Variants in PCDH11X observed in about 807,000 individuals in gnomAD.
PCDH11X encodes protocadherin 11 X-linked.
PCDH11X carries 18 observed loss-of-function variants against 53.3 expected under a neutral mutation model. That is an observed-to-expected ratio of 0.34 (90% CI 0.23 to 0.50). The LOEUF is 0.50. Among genes scored for constraint, PCDH11X ranks in the 20% least tolerant of loss-of-function variants. PCDH11X has a pLI of 0.98. For synonymous variants in PCDH11X, 279 were observed against 393.3 expected, an observed-to-expected ratio of 0.71 and a Z score of 3.44; for missense variants, 570 against 1,032.4, an observed-to-expected ratio of 0.55 and a Z score of 6.14.
intron 10 of PCDH11X, among the ~76,000 whole-genome samples, chrX:92,617,203 CCT>C (rs1233598746): frequency 2.7e-5 from 3 of 111,053 alleles, no homozygotes; most frequent in Non-Finnish European, 5.7e-5. Context: ...AAGATATTCC[CCT>C]GTTTCTAATT....
intron 6 of PCDH11X, among the ~76,000 whole-genome samples, chrX:92,041,536 A>T (rs1432447606): frequency 2.7e-5 from 3 of 111,225 alleles, no homozygotes; most frequent in African/African-American, 9.8e-5. Flanking sequence ...ATGTAAGGTG[A>T]CATGTATTGG....
At chrX:91,885,972 A>G (rs2147752295) in intron 6 of PCDH11X, among the ~76,000 whole-genome samples, 1 of 111,061 alleles carries the variant, frequency 9.0e-6, no homozygotes, top group African/African-American at 3.3e-5. Flanking sequence ...AATGAATTCT[A>G]CTTTTGACTA....
chrX:92,230,534 TATA>T (rs1185020442), intron 7 of PCDH11X, among the ~76,000 whole-genome samples: 4 of 93,460 alleles, frequency 4.3e-5, no homozygotes, highest in East Asian at 6.3e-4. Context: ...AAAATACATA[TATA>T]ATATCTATAA....
intron 6 of PCDH11X, among the ~76,000 whole-genome samples, chrX:92,169,076 C>T (rs1475724074): frequency 3.7e-5 from 4 of 107,930 alleles, no homozygotes; most frequent in African/African-American, 1.3e-4. Context: ...TATACAAATA[C>T]TTTCTCAAGA....
At chrX:91,843,455 G>A (rs1223720622) in intron 5 of PCDH11X, among the ~76,000 whole-genome samples, 1 of 106,368 alleles carries the variant, frequency 9.4e-6, no homozygotes. Flanking sequence ...GACTACAGAC[G>A]TCTGCCACAA....
chrX:92,266,293 G>A (rs1166378513), intron 8 of PCDH11X, among the ~76,000 whole-genome samples: 1 of 111,687 alleles, frequency 9.0e-6, no homozygotes, highest in Non-Finnish European at 1.9e-5. Flanking sequence ...TTTATGTTCA[G>A]TTTAATTCAG....
intron 6 of PCDH11X, among the ~76,000 whole-genome samples, chrX:91,949,953 T>C (rs1176649333): frequency 9.2e-6 from 1 of 108,525 alleles, no homozygotes; most frequent in Non-Finnish European, 1.9e-5. Context: ...GGATGGCTAG[T>C]AGATGGGCCA....
intron 8 of PCDH11X, among the ~76,000 whole-genome samples, chrX:92,319,050 G>A (rs1364007701): frequency 2.7e-5 from 3 of 112,136 alleles, no homozygotes; most frequent in Admixed American, 9.5e-5. Flanking sequence ...AATTTTGCAA[G>A]CATTTTGCAA....
chrX:92,412,793 C>CTGTG (rs759091083), intron 9 of PCDH11X, among the ~76,000 whole-genome samples: 2 of 106,778 alleles, frequency 1.9e-5, no homozygotes, highest in Non-Finnish European at 1.9e-5. Flanking sequence ...CTCTCTGTCT[C>CTGTG]TGTGTGTGTG....
At chrX:91,868,713 G>T (rs1422901236) in intron 5 of PCDH11X, among the ~76,000 whole-genome samples, 2 of 111,408 alleles carry the variant, frequency 1.8e-5, no homozygotes, top group Non-Finnish European at 3.8e-5. Context: ...AATCAGTTAG[G>T]TTTACAGCAG....
chrX:92,186,653 T>C (rs1404402363), intron 6 of PCDH11X, among the ~76,000 whole-genome samples: 4 of 89,627 alleles, frequency 4.5e-5, no homozygotes, highest in Non-Finnish European at 6.6e-5. Flanking sequence ...AAAAAGAGAA[T>C]AGTTGTTTCT....
intron 6 of PCDH11X, among the ~76,000 whole-genome samples, chrX:92,187,314 C>T (rs998384100): frequency 2.7e-5 from 3 of 111,962 alleles, no homozygotes; most frequent in Non-Finnish European, 5.6e-5. Flanking sequence ...CTCTGACTTT[C>T]ATTCCTTCTT....
intron 9 of PCDH11X, among the ~76,000 whole-genome samples, chrX:92,464,122 G>A (rs777918991): frequency 9.0e-6 from 1 of 111,640 alleles, no homozygotes; most frequent in East Asian, 2.8e-4. Context: ...AGGCACAGAG[G>A]AATATGGATA....
intron 1 of PCDH11X, among the ~76,000 whole-genome samples, chrX:91,801,881 A>G (rs769102713): frequency 8.9e-6 from 1 of 112,684 alleles, no homozygotes; most frequent in East Asian, 2.8e-4. Context: ...AGGCCAACAT[A>G]TATTAAATAA....
chrX:91,801,179 CAAAA>C, intron 1 of PCDH11X, among the ~76,000 whole-genome samples: 1 of 31,935 alleles, frequency 3.1e-5, no homozygotes, highest in African/African-American at 1.2e-4. Flanking sequence ...GACCCTGCCT[CAAAA>C]AAAAAAAAAA....
At chrX:92,110,230 T>A (rs190022667) in intron 6 of PCDH11X, among the ~76,000 whole-genome samples, 1 of 111,044 alleles carries the variant, frequency 9.0e-6, no homozygotes, top group Non-Finnish European at 1.9e-5. Context: ...GACTAAGTAA[T>A]TCAATTGGAA....
chrX:92,461,697 A>T (rs2073049210), intron 9 of PCDH11X, among the ~76,000 whole-genome samples: 1 of 111,271 alleles, frequency 9.0e-6, no homozygotes, highest in Non-Finnish European at 1.9e-5. Flanking sequence ...TCAAACCAAA[A>T]AATGGACAAA....
chrX:92,278,815 T>A (rs1210177905), intron 8 of PCDH11X, among the ~76,000 whole-genome samples: 1 of 98,227 alleles, frequency 1.0e-5, no homozygotes, highest in Non-Finnish European at 2.0e-5. Context: ...AGTTTTTTTT[T>A]TTTTTTTTTT....
chrX:91,909,848 C>G (rs1420268307), intron 6 of PCDH11X, among the ~76,000 whole-genome samples: 1 of 111,355 alleles, frequency 9.0e-6, no homozygotes, highest in Non-Finnish European at 1.9e-5. Flanking sequence ...TTTTGATATA[C>G]CTATACATTG....
Sources: gnomAD v4.1 joint callset for allele counts (sites outside exome capture counted in the v4.1 genomes callset) on GRCh38, gnomAD v4.1.1 for gene constraint, MANE v1.5 for transcripts, NCBI Gene and HGNC (gene_info 2026-07-23, HGNC 2026-07-21) for gene names.